The following IQGAP2 variants were observed in gnomAD, a reference collection of about 807,000 sequenced individuals.
The protein encoded by IQGAP2 is ras GTPase-activating-like protein IQGAP2.
Under a neutral mutation model 201.3 loss-of-function variants are expected in IQGAP2, and 173 were observed. That is an observed-to-expected ratio of 0.86 (90% CI 0.76 to 0.98). The LOEUF (loss-of-function observed/expected upper bound fraction) is 0.98. IQGAP2 is among the 50% of genes least tolerant of loss of function. The pLI is 0.00. For synonymous variants in IQGAP2, 675 were observed against 673.9 expected (o/e 1.00, Z -0.03); for missense variants, 1,687 against 1,864.8 (o/e 0.90, Z 1.76).
At chr5:76,607,587 C>G (rs1056721967) in intron 12 of IQGAP2, 4 of 152,150 alleles carry the variant, frequency 2.6e-5, no homozygotes, top group Non-Finnish European at 5.9e-5. Flanking sequence ...TGCTCACACC[C>G]CACTTAGCTC....
At chr5:76,694,913 C>G (rs983805171) in intron 31 of IQGAP2, among the ~76,000 whole-genome samples, 2 of 152,164 alleles carry the variant, frequency 1.3e-5, no homozygotes, top group Non-Finnish European at 2.9e-5. Context: ...CTAGAATATT[C>G]TTATTCCCTT....
chr5:76,447,760 G>T (rs1450316631), intron 1 of IQGAP2, among the ~76,000 whole-genome samples: 1 of 152,172 alleles, frequency 6.6e-6, no homozygotes, highest in Non-Finnish European at 1.5e-5. Context: ...GGTACACATA[G>T]CACATCTTCT....
At chr5:76,535,543 C>A (rs183314132) in intron 2 of IQGAP2, among the ~76,000 whole-genome samples, 50 of 152,324 alleles carry the variant, frequency 3.3e-4, no homozygotes, top group African/African-American at 1.2e-3. Context: ...GCAGAGCATT[C>A]AACGAACATG....
intron 5 of IQGAP2, among the ~76,000 whole-genome samples, chr5:76,579,773 C>G (rs1043282848): frequency 2.0e-5 from 3 of 152,018 alleles, no homozygotes; most frequent in African/African-American, 7.2e-5. Flanking sequence ...CATCTCAGAT[C>G]ATGTTTCTAG....
intron 1 of IQGAP2, among the ~76,000 whole-genome samples, chr5:76,407,557 T>C (rs908526236): frequency 1.3e-5 from 2 of 152,216 alleles, no homozygotes; most frequent in Non-Finnish European, 1.5e-5. Flanking sequence ...CTGTCTTCAG[T>C]AGACAAAAAG....
chr5:76,640,876 T>C (rs1399818089), intron 16 of IQGAP2, 57 bp from the exon 17 acceptor site: 1 of 1,214,156 alleles, frequency 8.2e-7, no homozygotes, highest in Non-Finnish European at 1.1e-6. Context: ...GAAGCTATTC[T>C]ATGTGTGCCT....
chr5:76,554,937 A>C (rs1403746665), intron 2 of IQGAP2, among the ~76,000 whole-genome samples: 1 of 152,218 alleles, frequency 6.6e-6, no homozygotes, highest in Non-Finnish European at 1.5e-5. Context: ...GAATAAATAA[A>C]TAAATGTGAT....
chr5:76,514,974 C>T (rs879483009), intron 2 of IQGAP2, among the ~76,000 whole-genome samples: 5 of 152,178 alleles, frequency 3.3e-5, no homozygotes, highest in Admixed American at 6.5e-5. Context: ...GTTATTGTGA[C>T]GTACAGTGCA....
intron 9 of IQGAP2, 106 bp from the exon 10 acceptor site, chr5:76,597,333 T>C: frequency 8.7e-7 from 1 of 1,149,962 alleles, no homozygotes; most frequent in Non-Finnish European, 1.3e-6. Flanking sequence ...TCAGAGTTCA[T>C]GAAAAGTAAC....
chr5:76,419,312 G>A (rs967612608), intron 1 of IQGAP2, among the ~76,000 whole-genome samples: 2 of 150,560 alleles, frequency 1.3e-5, no homozygotes, highest in Non-Finnish European at 3.0e-5. Flanking sequence ...TTTTTTGGTT[G>A]AGACAGGGTC....
intron 1 of IQGAP2, among the ~76,000 whole-genome samples, chr5:76,454,182 C>T (rs35160086): frequency 2.0e-5 from 3 of 151,958 alleles, no homozygotes; most frequent in Non-Finnish European, 2.9e-5. Flanking sequence ...TAGATACACC[C>T]CACCCACAAA....
intron 12 of IQGAP2, chr5:76,608,008 G>A (rs1191924805): frequency 1.3e-5 from 2 of 152,188 alleles, no homozygotes; most frequent in Non-Finnish European, 2.9e-5. Context: ...AAGATTGTAG[G>A]GTTGACATTG....
rs536654588 is a variant in IQGAP2, at chr5:76,438,135, C to G, written c.47-23435C>G. Among the ~76,000 whole-genome samples the G allele has an allele frequency of 1.4e-4, 21 of 148,658 alleles. No homozygotes were observed. In the East Asian group the frequency reaches 4.1e-3, roughly 29 times the overall value. On this transcript the variant is annotated intron_variant, in intron 1 of 35. Transcript: ENST00000274364. ...TTAGGGAGGATTCCTCTTTCTAAAT[C>G]TTTAGAAATAGTTTCAGTAGGATTG...
At chr5:76,415,617 C>T (rs1172983226) in intron 1 of IQGAP2, among the ~76,000 whole-genome samples, 1 of 152,180 alleles carries the variant, frequency 6.6e-6, no homozygotes, top group African/African-American at 2.4e-5. Context: ...AGGCCCAGGA[C>T]TCTATAGCTG....
At chr5:76,407,636 A>G (rs1051212332) in intron 1 of IQGAP2, among the ~76,000 whole-genome samples, 1 of 152,208 alleles carries the variant, frequency 6.6e-6, no homozygotes, top group Non-Finnish European at 1.5e-5. Context: ...GTCAACAGCT[A>G]AAGTGTTATT....
intron 2 of IQGAP2, among the ~76,000 whole-genome samples, chr5:76,505,072 A>AG (rs1213677221): frequency 6.6e-6 from 1 of 152,152 alleles, no homozygotes; most frequent in African/African-American, 2.4e-5. Context: ...AAATGAGGTC[A>AG]GTGTCTAGGG....
intron 1 of IQGAP2, among the ~76,000 whole-genome samples, chr5:76,414,475 T>C (rs149642605): frequency 2.2e-4 from 33 of 152,330 alleles, no homozygotes; most frequent in African/African-American, 7.9e-4. Flanking sequence ...CATTCTGTTC[T>C]CTACTAATGA....
intron 2 of IQGAP2, among the ~76,000 whole-genome samples, chr5:76,496,757 CTTTCTTT>C (rs1756976478): frequency 3.8e-5 from 3 of 79,268 alleles, no homozygotes; most frequent in African/African-American, 2.1e-4. Context: ...TTCTTTCTTT[CTTTCTTT>C]CTTTCTTTCT....
chr5:76,558,225 C>A (rs10942784), intron 2 of IQGAP2, among the ~76,000 whole-genome samples: 85,820 of 151,874 alleles, frequency 0.57, 25,592 homozygotes, highest in African/African-American at 0.74. Context: ...TTATTTTTGC[C>A]TCCTGCCCCT....
Sources: gnomAD v4.1 joint callset for allele counts (sites outside exome capture counted in the v4.1 genomes callset) on GRCh38, gnomAD v4.1.1 for gene constraint, MANE v1.5 for transcripts, NCBI Gene and HGNC (gene_info 2026-07-23, HGNC 2026-07-21) for gene names.